Variants in PTPRT observed in about 807,000 individuals in gnomAD.
PTPRT encodes receptor-type tyrosine-protein phosphatase T.
In PTPRT, 56 loss-of-function variants were observed where a neutral mutation model predicts 176.8. That is an observed-to-expected ratio of 0.32 (90% confidence interval 0.26 to 0.40). PTPRT has a LOEUF of 0.40. PTPRT is among the 10% of genes least tolerant of loss of function. The probability of loss-of-function intolerance (pLI) is 1.00; values close to 1 mark genes in which losing one functional copy is unlikely to be tolerated. For synonymous variants in PTPRT, 783 were observed against 739.0 expected (o/e 1.06, Z -0.96); for missense variants, 1,540 against 1,908.2 (o/e 0.81, Z 3.60).
intron 27 of PTPRT, among the ~76,000 whole-genome samples, chr20:42,088,005 G>T (rs1214720327): frequency 6.6e-6 from 1 of 151,984 alleles, no homozygotes; most frequent in East Asian, 1.9e-4. Context: ...TGGGGTGTGT[G>T]GCTGCAGAGA....
rs1161104430 is a variant in PTPRT, at chr20:42,081,997, C to T, written c.4157G>A (p.Gly1386Glu). 6.2e-7 allele frequency: 1 copy of T among 1,614,212 alleles called. No homozygotes were observed. Among genetic ancestry groups the T allele is most frequent in the Non-Finnish European group, 8.5e-7 (1 of 1,180,042 alleles). Residue 1386 changes from glycine (G) to glutamate (E), a missense_variant, in exon 30 of 31, where the codon GGA becomes GAA. Physicochemically the swap from Gly to Glu is moderately conservative, Grantham distance 98. Coordinates refer to ENST00000373187, the MANE Select transcript of PTPRT (RefSeq NM_007050.6). ...CACACTGCAGATGGCACAGAAGGTT[C>T]CACTACGGCCTCCCCCATTTCTAAA... ...VHCLNGGGRS[G>E]TFCAICSVCE...
At chr20:43,081,149 T>C (rs565867176) in intron 1 of PTPRT, among the ~76,000 whole-genome samples, 1 of 152,340 alleles carries the variant, frequency 6.6e-6, no homozygotes, top group African/African-American at 2.4e-5. Flanking sequence ...GTATTACACT[T>C]CAGAAAATAA....
At chr20:42,200,317 C>T (rs542457947) in intron 15 of PTPRT, among the ~76,000 whole-genome samples, 1 of 152,324 alleles carries the variant, frequency 6.6e-6, no homozygotes, top group African/African-American at 2.4e-5. Flanking sequence ...ACAGGACCAA[C>T]CTTATAGGGT....
intron 1 of PTPRT, among the ~76,000 whole-genome samples, chr20:42,934,440 T>C (rs1980048496): frequency 6.6e-6 from 1 of 152,220 alleles, no homozygotes; most frequent in African/African-American, 2.4e-5. Flanking sequence ...TCTCACATTT[T>C]CTGTGGGTCA....
chr20:42,132,073 CT>C (rs1988150284), intron 18 of PTPRT, among the ~76,000 whole-genome samples: 2 of 152,186 alleles, frequency 1.3e-5, no homozygotes, highest in Admixed American at 1.3e-4. Flanking sequence ...AGGAATCATG[CT>C]GGGCTCTGCA....
Position 43,118,190 on chromosome 20 carries a change from T to A in PTPRT, c.88+71456A>T, listed in dbSNP as rs540450995. Among the ~76,000 whole-genome samples the A allele has an allele frequency of 2.0e-5, 3 of 152,262 alleles. No homozygotes were observed. The East Asian group carries it at 5.8e-4, about 29-fold the overall frequency. ...AGGCTCATGAGGTCGTGCTCCAATA[T>A]AACTTTAGTCACAAAAACAGGAGGT... On this transcript the variant is annotated intron_variant, in intron 1 of 30. Coordinates refer to ENST00000373187, the MANE Select transcript of PTPRT (RefSeq NM_007050.6).
chr20:42,782,966 A>G (rs2077236018), intron 3 of PTPRT, among the ~76,000 whole-genome samples: 1 of 152,222 alleles, frequency 6.6e-6, no homozygotes, highest in Non-Finnish European at 1.5e-5. Flanking sequence ...AAAAGCAAGT[A>G]TATATAATGT....
At chr20:42,133,500 C>T (rs2146381538) in intron 18 of PTPRT, among the ~76,000 whole-genome samples, 1 of 152,242 alleles carries the variant, frequency 6.6e-6, no homozygotes, top group Non-Finnish European at 1.5e-5. Flanking sequence ...AAACTCTAGA[C>T]ACAGGAGAAA....
At chr20:42,316,088 G>A (rs2057717654) in intron 11 of PTPRT, 92 bp from the exon 12 acceptor site, 1 of 1,407,632 alleles carries the variant, frequency 7.1e-7, no homozygotes. Context: ...CTTCTCCTAT[G>A]TGGAAGCATT....
intron 27 of PTPRT, among the ~76,000 whole-genome samples, chr20:42,096,389 G>A (rs1985237246): frequency 6.6e-6 from 1 of 152,080 alleles, no homozygotes; most frequent in Admixed American, 6.6e-5. Context: ...GAACACTTGA[G>A]GTCAAGAGTT....
At chr20:42,931,696 C>T (rs762098285) in intron 1 of PTPRT, among the ~76,000 whole-genome samples, 5 of 152,162 alleles carry the variant, frequency 3.3e-5, no homozygotes, top group Admixed American at 6.6e-5. Flanking sequence ...CAAGATCTTC[C>T]GCATCAGATG....
intron 6 of PTPRT, among the ~76,000 whole-genome samples, chr20:42,681,957 T>C (rs541846822): frequency 5.3e-5 from 8 of 152,302 alleles, no homozygotes; most frequent in Non-Finnish European, 8.8e-5. Context: ...ACCCCACTTA[T>C]GTGAAAAGTT....
chr20:42,117,250 C>T (rs956540134), intron 21 of PTPRT, among the ~76,000 whole-genome samples: 12 of 152,190 alleles, frequency 7.9e-5, no homozygotes, highest in African/African-American at 2.9e-4. Flanking sequence ...TCCTTCCCAT[C>T]GTCGCAGAGG....
chr20:42,782,562 T>G (rs866174350), intron 3 of PTPRT, among the ~76,000 whole-genome samples: 2 of 152,250 alleles, frequency 1.3e-5, no homozygotes, highest in Non-Finnish European at 2.9e-5. Flanking sequence ...AGGGTGTCTA[T>G]TGGGCCTCAA....
intron 15 of PTPRT, among the ~76,000 whole-genome samples, chr20:42,204,406 G>A (rs977801282): frequency 6.6e-6 from 1 of 152,164 alleles, no homozygotes; most frequent in Admixed American, 6.5e-5. Flanking sequence ...TCTGAACTGA[G>A]GATTTTTTTC....
At chr20:42,390,830 G>A (rs1031403042) in intron 9 of PTPRT, among the ~76,000 whole-genome samples, 1 of 152,172 alleles carries the variant, frequency 6.6e-6, no homozygotes, top group Non-Finnish European at 1.5e-5. Flanking sequence ...CTGTTAAGTG[G>A]TAGGAAATTT....
intron 1 of PTPRT, among the ~76,000 whole-genome samples, chr20:43,157,665 A>G (rs892045048): frequency 6.6e-6 from 1 of 152,158 alleles, no homozygotes; most frequent in Non-Finnish European, 1.5e-5. Flanking sequence ...CTACCTTTGT[A>G]TCTCAAAAGT....
intron 7 of PTPRT, 28 bp downstream of exon 7, chr20:42,677,838 T>G (rs1479091201): frequency 2.0e-6 from 3 of 1,524,346 alleles, no homozygotes; most frequent in South Asian, 1.2e-5. Context: ...CCTCTCATAA[T>G]GGAGCCTGGG....
chr20:42,287,658 A>C (rs1448142786), intron 12 of PTPRT, among the ~76,000 whole-genome samples: 2 of 151,884 alleles, frequency 1.3e-5, no homozygotes, highest in Admixed American at 6.6e-5. Flanking sequence ...AGTGTTCTGT[A>C]GCCCTGTAGG....
Sources: gnomAD v4.1 joint callset for allele counts (sites outside exome capture counted in the v4.1 genomes callset) on GRCh38, gnomAD v4.1.1 for gene constraint, MANE v1.5 for transcripts, NCBI Gene and HGNC (gene_info 2026-07-23, HGNC 2026-07-21) for gene names.